TBC1D22A: variants seen among roughly 807,000 people sequenced by gnomAD.
TBC1D22A encodes the protein putative GTPase activator.
TBC1D22A carries 38 observed loss-of-function variants against 60.2 expected under a neutral mutation model. That is an observed-to-expected ratio of 0.63 (90% confidence interval 0.49 to 0.83). The LOEUF (loss-of-function observed/expected upper bound fraction) is 0.83. Ranked by LOEUF, TBC1D22A falls within the 40% of genes least tolerant of loss-of-function variation. TBC1D22A has a pLI of 0.00. For missense variants in TBC1D22A, 628 were observed against 701.0 expected (o/e 0.90, Z 1.18); for synonymous variants, 302 against 281.7 (o/e 1.07, Z -0.72).
At chr22:46,876,427 TAC>T (rs2067570313) in intron 4 of TBC1D22A, among the ~76,000 whole-genome samples, 1 of 152,258 alleles carries the variant, frequency 6.6e-6, no homozygotes, top group African/African-American at 2.4e-5. Context: ...ATCGTTCTAT[TAC>T]AGAGAACATT....
At chr22:46,868,097 G>A (rs754970695) in intron 4 of TBC1D22A, among the ~76,000 whole-genome samples, 3 of 152,294 alleles carry the variant, frequency 2.0e-5, no homozygotes, top group East Asian at 1.9e-4. Flanking sequence ...CTGCGGTGCC[G>A]CTTAGCTACT....
intron 10 of TBC1D22A, among the ~76,000 whole-genome samples, chr22:47,014,590 C>T (rs541928379): frequency 2.6e-5 from 4 of 152,382 alleles, no homozygotes; most frequent in African/African-American, 9.6e-5. Flanking sequence ...TCCTTCACCT[C>T]ACTTACTTCT....
chr22:47,120,429 C>G (rs55753507), intron 12 of TBC1D22A, among the ~76,000 whole-genome samples: 236 of 152,260 alleles, frequency 1.5e-3, no homozygotes, highest in African/African-American at 5.2e-3. Context: ...CACACACACA[C>G]GCACACACAA....
In TBC1D22A at chr22:46,873,548, G is replaced by A. The variant is rs578014473; in HGVS notation, c.638-5105G>A. Among the ~76,000 whole-genome samples the A allele has an allele frequency of 3.3e-5, 5 of 152,192 alleles. No individual in the cohort carries two copies. In the South Asian group the frequency reaches 1.0e-3, roughly 32 times the overall value. ...TTTAAATTCAGGGATACATGTGCAG[G>A]ATGTGCAGGTTTGTTACCTAGGTAA... On this transcript the variant is annotated intron_variant, in intron 4 of 12. Coordinates refer to ENST00000337137, the MANE Select transcript of TBC1D22A (RefSeq NM_014346.5).
At chr22:46,801,973 C>T (rs1402686278) in intron 4 of TBC1D22A, among the ~76,000 whole-genome samples, 2 of 152,220 alleles carry the variant, frequency 1.3e-5, no homozygotes, top group Non-Finnish European at 2.9e-5. Flanking sequence ...TCTAGGGCAG[C>T]CGTGAAGGGG....
At chr22:47,025,784 G>A (rs943885427) in intron 10 of TBC1D22A, among the ~76,000 whole-genome samples, 3 of 152,162 alleles carry the variant, frequency 2.0e-5, no homozygotes, top group African/African-American at 7.2e-5. Context: ...TGGCAATATG[G>A]CCATGCTTAG....
intron 4 of TBC1D22A, among the ~76,000 whole-genome samples, chr22:46,818,346 T>C (rs1420273750): frequency 1.3e-5 from 2 of 152,236 alleles, no homozygotes; most frequent in African/African-American, 4.8e-5. Flanking sequence ...TGAATGGTAT[T>C]GCCTAGGTTT....
intron 8 of TBC1D22A, among the ~76,000 whole-genome samples, chr22:46,934,293 C>T (rs1481433738): frequency 6.6e-6 from 1 of 152,238 alleles, no homozygotes; most frequent in African/African-American, 2.4e-5. Flanking sequence ...CACTCAAGTG[C>T]GTAGCAGAAG....
intron 8 of TBC1D22A, among the ~76,000 whole-genome samples, chr22:46,973,104 G>A (rs1016948918): frequency 3.9e-5 from 6 of 152,350 alleles, no homozygotes; most frequent in African/African-American, 1.4e-4. Context: ...ACACACTTCA[G>A]TGTGAGTTAG....
chr22:47,000,457 A>G (rs2075273847), intron 10 of TBC1D22A, among the ~76,000 whole-genome samples: 1 of 152,210 alleles, frequency 6.6e-6, no homozygotes, highest in South Asian at 2.1e-4. Flanking sequence ...TGTCATCCCT[A>G]AACCTTTAGT....
intron 1 of TBC1D22A, among the ~76,000 whole-genome samples, chr22:46,768,967 A>G (rs2083391944): frequency 6.6e-6 from 1 of 151,916 alleles, no homozygotes; most frequent in Admixed American, 6.6e-5. Context: ...TGTGGCAGGC[A>G]TCTATAATCC....
chr22:47,083,630 G>T (rs1453588479), intron 11 of TBC1D22A, among the ~76,000 whole-genome samples: 2 of 152,316 alleles, frequency 1.3e-5, no homozygotes, highest in South Asian at 2.1e-4. Context: ...CCTTACCCTT[G>T]TGCTGAGCTC....
chr22:46,902,250 C>T (rs978236602), intron 7 of TBC1D22A, among the ~76,000 whole-genome samples: 1 of 152,192 alleles, frequency 6.6e-6, no homozygotes, highest in Non-Finnish European at 1.5e-5. Context: ...GCTGGGAATA[C>T]CTCTGGTTTT....
chr22:46,771,698 G>A (rs1394094940), intron 1 of TBC1D22A, among the ~76,000 whole-genome samples: 2 of 151,828 alleles, frequency 1.3e-5, no homozygotes, highest in Admixed American at 6.6e-5. Flanking sequence ...GGGTTCAGGT[G>A]ATTCTCCTGT....
intron 11 of TBC1D22A, among the ~76,000 whole-genome samples, chr22:47,046,517 C>T (rs2063037593): frequency 6.6e-6 from 1 of 152,122 alleles, no homozygotes; most frequent in Non-Finnish European, 1.5e-5. Context: ...GTTGCTCACA[C>T]CTGGCCCTGT....
chr22:46,779,117 T>A (rs2083828357), intron 1 of TBC1D22A, among the ~76,000 whole-genome samples: 1 of 152,248 alleles, frequency 6.6e-6, no homozygotes, highest in African/African-American at 2.4e-5. Context: ...TTGTTCATTA[T>A]GATCAAGTAT....
intron 12 of TBC1D22A, among the ~76,000 whole-genome samples, chr22:47,135,943 G>A (rs1325727838): frequency 6.6e-6 from 1 of 152,230 alleles, no homozygotes; most frequent in Non-Finnish European, 1.5e-5. Flanking sequence ...GGACACACGT[G>A]GTGAGGTCAC....
chr22:46,904,134 T>TCTGCCTAC (rs1422224513), intron 7 of TBC1D22A, among the ~76,000 whole-genome samples: 34 of 66,580 alleles, frequency 5.1e-4, no homozygotes, highest in Middle Eastern at 6.8e-3. Context: ...TATCTATCTA[T>TCTGCCTAC]CTATCTATCT....
At chr22:47,110,352 G>A (rs760734381) in intron 11 of TBC1D22A, among the ~76,000 whole-genome samples, 3 of 152,222 alleles carry the variant, frequency 2.0e-5, no homozygotes, top group Non-Finnish European at 4.4e-5. Flanking sequence ...GGTGGCGCAC[G>A]TCTGTAATCC....
Sources: gnomAD v4.1 joint callset for allele counts (sites outside exome capture counted in the v4.1 genomes callset) on GRCh38, gnomAD v4.1.1 for gene constraint, MANE v1.5 for transcripts, NCBI Gene and HGNC (gene_info 2026-07-23, HGNC 2026-07-21) for gene names.